The following IL1RN variants were observed in gnomAD, a reference collection of about 807,000 sequenced individuals.
The protein encoded by IL1RN is interleukin-1 receptor antagonist protein.
In IL1RN, 10 loss-of-function variants were observed where a neutral mutation model predicts 13.7. The ratio of observed to expected loss-of-function variants is 0.73; its 90% CI spans 0.45 to 1.24. The LOEUF (loss-of-function observed/expected upper bound fraction) is 1.24. IL1RN is among the 50% of genes most tolerant of loss of function. The pLI is 0.00. For synonymous variants in IL1RN, 102 were observed against 82.7 expected, an observed-to-expected ratio of 1.23 and a Z score of -1.27; for missense variants, 213 against 222.1, an observed-to-expected ratio of 0.96 and a Z score of 0.26.
At chr2:113,117,674 G>C, upstream of IL1RN, 2 of 465,126 alleles carry the variant, frequency 4.3e-6, no homozygotes, top group South Asian at 5.7e-5. Context: ...GGGTAAGCAC[G>C]AAGGCCCAGC....
chr2:113,118,962 G>A (rs4251980), intron 1 of IL1RN, among the ~76,000 whole-genome samples: 31,927 of 152,062 alleles, frequency 0.21, 4,106 homozygotes, highest in South Asian at 0.28. Context: ...GCTGGAACCC[G>A]GGAGGTAGAG....
At position 113,129,593 on chromosome 2, in the gene IL1RN, A is replaced by G; in HGVS notation, c.134A>G (p.Gln45Arg). 3 of 1,610,848 alleles carry G rather than the reference A, an allele frequency of 1.9e-6. No homozygotes were observed. The highest frequency in any genetic ancestry group is 2.5e-6 in the Non-Finnish European group (3 of 1,176,916). The change falls in exon 2 of 4, where the codon CAG (glutamine) becomes CGG (arginine). Residue 45 changes from glutamine to arginine, a missense_variant. Physicochemically the swap from Gln to Arg is conservative, Grantham distance 43. Transcript: ENST00000409930. ...CTTTTCAGAATCTGGGATGTTAACC[A>G]GAAGACCTTCTATCTGAGGAACAAC... ...MQAFRIWDVN[Q>R]KTFYLRNNQL... is the part of the protein sequence containing the mutation.
chr2:113,102,785 A>T (rs889542183), upstream of IL1RN, among the ~76,000 whole-genome samples: 2 of 152,174 alleles, frequency 1.3e-5, no homozygotes, highest in South Asian at 4.1e-4. Flanking sequence ...CACAAGGTTA[A>T]TCGCTCAGTT....
At chr2:113,120,255 C>T (rs45597637) in intron 2 of IL1RN, 43 of 785,116 alleles carry the variant, frequency 5.5e-5, no homozygotes, top group African/African-American at 1.4e-4. Context: ...AGAATGAAAA[C>T]GATTGATTAC....
At chr2:113,131,563 G>A (rs1347913346) in intron 3 of IL1RN, among the ~76,000 whole-genome samples, 2 of 152,154 alleles carry the variant, frequency 1.3e-5, no homozygotes, top group East Asian at 3.9e-4. Flanking sequence ...GACTGCATAA[G>A]AGTGTGAACA....
rs545742397 is a variant in IL1RN at position 113,132,950 on chromosome 2, C to A, written c.*79C>A. Reference sequence around the variant, plus strand: ...GCCAGTCCCCCTGCCCCAGGGCTCCCGGCTATGGGGGCACTGAGGACCAGC... The same window carrying A: ...GCCAGTCCCCCTGCCCCAGGGCTCCAGGCTATGGGGGCACTGAGGACCAGC... On this transcript the variant is annotated 3_prime_UTR_variant, in exon 4 of 4. Transcript: ENST00000409930. 61 of 1,387,574 alleles carry A rather than the reference C, an allele frequency of 4.4e-5. No individual in the cohort carries two copies. Among genetic ancestry groups the A allele is most frequent in the South Asian group, 2.1e-4 (18 of 85,964 alleles). The allele number at this position is 1,387,574 out of a possible 1,614,324, so 86.0% of individuals were successfully genotyped here.
At chr2:113,111,770 A>G (rs1688072) in intron 1 of IL1RN, among the ~76,000 whole-genome samples, 21,995 of 152,282 alleles carry the variant, frequency 0.14, 1,804 homozygotes, top group Non-Finnish European at 0.19. Flanking sequence ...CTCACATGAT[A>G]ACCTCTATTG....
chr2:113,113,876 C>T (rs1296345832), upstream of IL1RN, among the ~76,000 whole-genome samples: 1 of 152,228 alleles, frequency 6.6e-6, no homozygotes, highest in Non-Finnish European at 1.5e-5. Context: ...TGTCTGTGAG[C>T]TTTGTGGCTG....
chr2:113,105,955 G>A (rs1686379953), upstream of IL1RN, among the ~76,000 whole-genome samples: 1 of 152,178 alleles, frequency 6.6e-6, no homozygotes, highest in Admixed American at 6.5e-5. Flanking sequence ...GGAAGAGTTG[G>A]AACAAGAGCC....
chr2:113,110,533 T>C (rs570224257), upstream of IL1RN, among the ~76,000 whole-genome samples: 6 of 152,298 alleles, frequency 3.9e-5, no homozygotes, highest in South Asian at 6.2e-4. Context: ...CCAGCCTCTG[T>C]AGCTCCCAGT....
upstream of IL1RN, chr2:113,113,103 G>A (rs1686528506): frequency 6.6e-6 from 1 of 152,204 alleles, no homozygotes; most frequent in South Asian, 2.1e-4. Flanking sequence ...ACGTGCTATA[G>A]CTGAGGATGG....
chr2:113,118,966 G>T (rs1295520964), intron 1 of IL1RN, among the ~76,000 whole-genome samples: 1 of 152,150 alleles, frequency 6.6e-6, no homozygotes, highest in African/African-American at 2.4e-5. Context: ...GAACCCGGGA[G>T]GTAGAGGTTG....
chr2:113,100,508 C>T, the IL1RN span, among the ~76,000 whole-genome samples: 2 of 152,050 alleles, frequency 1.3e-5, no homozygotes, highest in Non-Finnish European at 2.9e-5. Flanking sequence ...AAGAATGAGC[C>T]GGACCACAGC....
upstream of IL1RN, among the ~76,000 whole-genome samples, chr2:113,107,837 G>A (rs28648961): frequency 0.34 from 51,298 of 152,074 alleles, 9,090 homozygotes; most frequent in Middle Eastern, 0.45. Flanking sequence ...ATGTAAGGAT[G>A]TTTCTTTTTA....
At chr2:113,120,181 GAACAACATC>G (rs1686721192) in intron 2 of IL1RN, 2 of 1,188,084 alleles carry the variant, frequency 1.7e-6, no homozygotes, top group African/African-American at 1.5e-5. Context: ...TACTAGATAT[GAACAACATC>G]TTGATTATGT....
At chr2:113,109,068 C>T (rs1686429559), upstream of IL1RN, among the ~76,000 whole-genome samples, 1 of 151,950 alleles carries the variant, frequency 6.6e-6, no homozygotes, top group Admixed American at 6.6e-5. Flanking sequence ...CAACCACCAA[C>T]ACCCCACCCA....
intron 1 of IL1RN, among the ~76,000 whole-genome samples, chr2:113,118,301 C>T (rs1211074037): frequency 3.9e-5 from 6 of 152,068 alleles, no homozygotes; most frequent in African/African-American, 1.4e-4. Flanking sequence ...GTCATGGAGT[C>T]CTTGGAGTGT....
chr2:113,132,739 C>A lies in IL1RN; in HGVS notation c.402C>A (p.Thr134=). 6.2e-7 allele frequency: 1 copy of A among 1,614,262 alleles called. No individual in the cohort carries two copies. Among genetic ancestry groups the A allele is most frequent in the Non-Finnish European group, 8.5e-7 (1 of 1,180,044 alleles). ...TCCGCTCAGACAGTGGCCCCACCACCAGTTTTGAGTCTGCCGCCTGCCCCG... is the reference window on the plus strand; with the variant it reads ...TCCGCTCAGACAGTGGCCCCACCACAAGTTTTGAGTCTGCCGCCTGCCCCG... The part of the protein sequence containing the change: ...AFIRSDSGPT[T]SFESAACPGW... The change falls in exon 4 of 4, where the codon ACC becomes ACA. Residue 134 remains threonine, a synonymous_variant. Transcript: ENST00000409930.
chr2:113,109,348 GT>G (rs1208735661), upstream of IL1RN, among the ~76,000 whole-genome samples: 3 of 151,282 alleles, frequency 2.0e-5, no homozygotes, highest in Non-Finnish European at 1.5e-5. Context: ...GGAGGCAGAG[GT>G]TGTGGTGAGC....
Sources: gnomAD v4.1 joint callset for allele counts (sites outside exome capture counted in the v4.1 genomes callset) on GRCh38, gnomAD v4.1.1 for gene constraint, MANE v1.5 for transcripts, NCBI Gene and HGNC (gene_info 2026-07-23, HGNC 2026-07-21) for gene names.